CDK18: variants seen among roughly 807,000 people sequenced by gnomAD.
The protein encoded by CDK18 is cyclin-dependent kinase 18.
A neutral mutation model predicts 62.0 loss-of-function variants in CDK18; 52 were observed. The ratio of observed to expected loss-of-function variants is 0.84; its 90% CI spans 0.67 to 1.06. CDK18 has a LOEUF of 1.06. CDK18 is among the 50% of genes least tolerant of loss of function. The probability of loss-of-function intolerance (pLI) is 0.00; values close to 1 mark genes in which losing one functional copy is unlikely to be tolerated. For missense variants in CDK18, 604 were observed against 619.9 expected, an observed-to-expected ratio of 0.97 and a Z score of 0.27; for synonymous variants, 237 against 247.0, an observed-to-expected ratio of 0.96 and a Z score of 0.38.
chr1:205,526,241 G>A, intron 6 of CDK18, 62 bp downstream of exon 6: 1 of 1,519,614 alleles, frequency 6.6e-7, no homozygotes, highest in Non-Finnish European at 9.1e-7. Context: ...TCACCAGCCT[G>A]CACCCTTGTG....
chr1:205,529,301 C>G, intron 11 of CDK18, 23 bp from the exon 12 acceptor site: 1 of 1,602,358 alleles, frequency 6.2e-7, no homozygotes, highest in Non-Finnish European at 8.5e-7. Flanking sequence ...GCAGGCCCTC[C>G]CCACCCTCTC....
chr1:205,522,311 G>C (rs987702203), intron 1 of CDK18: 2 of 152,272 alleles, frequency 1.3e-5, no homozygotes, highest in African/African-American at 2.4e-5. Context: ...GGTGTTCTCG[G>C]TAGGGGATAC....
intron 1 of CDK18, among the ~76,000 whole-genome samples, chr1:205,520,603 G>C (rs553959430): frequency 6.6e-6 from 1 of 151,876 alleles, no homozygotes; most frequent in South Asian, 2.1e-4. Flanking sequence ...AGGAGGCTGA[G>C]GCATGAGAAT....
chr1:205,522,591 ACCCAATCATGT>A (rs1668189709), intron 1 of CDK18: 1 of 152,186 alleles, frequency 6.6e-6, no homozygotes, highest in African/African-American at 2.4e-5. Context: ...TGAGGTTTGG[ACCCAATCATGT>A]CCCAAGGGTG....
chr1:205,526,687 A>T, intron 7 of CDK18, 88 bp from the exon 8 acceptor site: 1 of 1,304,996 alleles, frequency 7.7e-7, no homozygotes. Flanking sequence ...GGCCCTTCCC[A>T]GGGAGGGGCT....
intron 1 of CDK18, among the ~76,000 whole-genome samples, chr1:205,521,730 A>G (rs139408112): frequency 1.2e-4 from 19 of 152,374 alleles, no homozygotes; most frequent in African/African-American, 4.3e-4. Context: ...GCTGCCAGAC[A>G]GAGGACCCTT....
chr1:205,506,061 G>A (rs1667291876), intron 1 of CDK18, among the ~76,000 whole-genome samples: 1 of 152,190 alleles, frequency 6.6e-6, no homozygotes, highest in Admixed American at 6.5e-5. Context: ...TCCTGGACAC[G>A]GGCCTGAGAG....
rs114995336 is a variant in CDK18 at position 205,520,981 on chromosome 1, C to T, written c.-21-2166C>T. ...AGGCCTGAGACATTGCACAGAGCCA[C>T]GGAGGAGCGGCTGAAGATGACTGAC... is the stretch of plus-strand genomic sequence containing the variant. On this transcript the variant is annotated intron_variant, in intron 1 of 15. Transcript: ENST00000429964. 1.1e-3 allele frequency among the ~76,000 whole-genome samples: 172 copies of T among 152,246 alleles called. 1 individual carries two copies. Among genetic ancestry groups the T allele is most frequent in the African/African-American group, 3.9e-3 (160 of 41,546 alleles).
intron 1 of CDK18, among the ~76,000 whole-genome samples, chr1:205,505,892 T>C (rs1254239799): frequency 6.6e-6 from 1 of 152,124 alleles, no homozygotes; most frequent in Non-Finnish European, 1.5e-5. Flanking sequence ...CTGTCTCCCC[T>C]TCTTCCCCAC....
chr1:205,525,937 T>G, intron 5 of CDK18, 128 bp from the exon 6 acceptor site: 1 of 639,766 alleles, frequency 1.6e-6, no homozygotes, highest in Non-Finnish European at 2.8e-6. Flanking sequence ...GGAAACAGCA[T>G]GTCAGTAAAG....
chr1:205,528,127 G>T lies in CDK18; in HGVS notation c.933G>T (p.Val311=), dbSNP rs754759009. The part of the protein sequence containing the change: ...VVTLWYRPPD[V]LLGSTEYSTP... ...CCCTGTGGTACAGGCCCCCCGATGT[G>T]CTGCTGGGATCCACAGAGTACTCCA... Residue 311 remains valine (V), a synonymous_variant, in exon 10 of 16, where the codon GTG becomes GTT. Transcript: ENST00000429964. This position sits in a 1 kb window ranked among gnomAD's most constrained non-coding sequence, Gnocchi z 4.2. The T allele has an allele frequency of 6.2e-6, 10 of 1,614,056 alleles. No homozygotes were observed. In the South Asian group the frequency reaches 1.1e-4, roughly 18 times the overall value.
rs547474370 is a variant in CDK18, at chr1:205,529,191, C to G, written c.1072+95C>G. Reference sequence around the variant, plus strand: ...GCGGGACGGGGAGGAGCGGCTCGGCCGCCTCTCTCCCGGGCGGGGACCCCC... The same window carrying G: ...GCGGGACGGGGAGGAGCGGCTCGGCGGCCTCTCTCCCGGGCGGGGACCCCC... On this transcript the variant is annotated intron_variant, in intron 11 of 15. Coordinates refer to ENST00000429964, the MANE Select transcript of CDK18 (RefSeq NM_212502.3). 29 of 1,349,720 alleles carry G rather than the reference C, an allele frequency of 2.1e-5. No individual in the cohort carries two copies. In the South Asian group the frequency reaches 3.6e-4, roughly 17 times the overall value. The allele number at this position is 1,349,720 out of a possible 1,614,324, so 83.6% of individuals were successfully genotyped here.
At chr1:205,508,234 T>C (rs895772553) in intron 1 of CDK18, among the ~76,000 whole-genome samples, 4 of 152,250 alleles carry the variant, frequency 2.6e-5, no homozygotes, top group Admixed American at 6.5e-5. Context: ...CTTTTCACCT[T>C]TGCCCTCCAG....
chr1:205,519,006 G>C (rs1305889022), intron 1 of CDK18, among the ~76,000 whole-genome samples: 1 of 152,142 alleles, frequency 6.6e-6, no homozygotes, highest in East Asian at 1.9e-4. Flanking sequence ...CCCACTGCCG[G>C]GCCAGTATCC....
chr1:205,529,162 C>T, intron 11 of CDK18, 66 bp downstream of exon 11: 1 of 1,444,702 alleles, frequency 6.9e-7, no homozygotes, highest in East Asian at 2.5e-5. Context: ...AGCCCAGGCG[C>T]GGAGCGGGAC....
In CDK18 at chr1:205,531,647, C is replaced by T. The variant is rs1037444982; in HGVS notation, c.*269C>T. On this transcript the variant is annotated 3_prime_UTR_variant, in exon 16 of 16. Coordinates refer to ENST00000429964, the MANE Select transcript of CDK18 (RefSeq NM_212502.3). ...TCCCTGAGAGGACATGAGGGGGGGGCGGTCCTCGTACCCTCTCCCACCCTG... is the reference window on the plus strand; with the variant it reads ...TCCCTGAGAGGACATGAGGGGGGGGTGGTCCTCGTACCCTCTCCCACCCTG... 9 of 473,682 alleles carry T rather than the reference C, an allele frequency of 1.9e-5. No individual in the cohort carries two copies. Among genetic ancestry groups the T allele is most frequent in the Admixed American group, 7.1e-5 (2 of 28,180 alleles). The allele number at this position is 473,682 out of a possible 1,614,324, so 29.3% of individuals were successfully genotyped here.
At chr1:205,526,946 CCT>C in intron 8 of CDK18, 109 bp downstream of exon 8, 1 of 854,448 alleles carries the variant, frequency 1.2e-6, no homozygotes, top group Non-Finnish European at 2.0e-6. Context: ...GTGGCTCAGA[CCT>C]TCCCACGTAG....
chr1:205,516,951 G>GGA lies in CDK18; in HGVS notation c.-21-6196_-21-6195insGA, dbSNP rs1450966937. 7 of 152,264 alleles carry GGA rather than the reference G, an allele frequency of 4.6e-5. No individual in the cohort carries two copies. The highest frequency in any genetic ancestry group is 7.2e-5 in the African/African-American group (3 of 41,430). 9.4% of individuals were successfully genotyped at this position (152,264 alleles called of 1,614,324 possible). A position where few individuals can be genotyped will look rare whatever the true frequency, so the allele number is the denominator to read the frequency against. ...CCGCCCTCCAGTCTACAGCATCCCA[G>GGA]ATTCCTGGGATGCTCTGTCAACCTC... On this transcript the variant is annotated intron_variant, in intron 1 of 15. Coordinates refer to ENST00000429964, the MANE Select transcript of CDK18 (RefSeq NM_212502.3). The surrounding 1 kb of genome is among the most constrained non-coding windows in gnomAD (Gnocchi z 4.8).
chr1:205,523,513 C>T lies in CDK18; in HGVS notation c.161C>T (p.Pro54Leu). 1 of 1,605,516 alleles carries T rather than the reference C, an allele frequency of 6.2e-7. No homozygotes were observed. The highest frequency in any genetic ancestry group is 8.5e-7 in the Non-Finnish European group (1 of 1,176,542). Reference protein sequence around the residue: ...NLQLGPLGRDPPQECSTFSPT... With the variant: ...NLQLGPLGRDLPQECSTFSPT... ...CAGCTCGGTCCTCTTGGCAGAGACCCCCCGCAGGAGTGCAGCACCTTCTCC... is the reference window on the plus strand; with the variant it reads ...CAGCTCGGTCCTCTTGGCAGAGACCTCCCGCAGGAGTGCAGCACCTTCTCC... Residue 54 changes from proline to leucine, a missense_variant, in exon 3 of 16, where the codon CCC (proline) becomes CTC (leucine). Transcript: ENST00000429964.
Sources: allele counts gnomAD v4.1 joint callset (sites outside exome capture counted in the v4.1 genomes callset), GRCh38; gene constraint gnomAD v4.1.1; non-coding constraint Gnocchi (gnomAD v3.1); transcripts MANE v1.5; gene names NCBI Gene and HGNC (gene_info 2026-07-23, HGNC 2026-07-21).